The following RAP1GAP2 variants were observed in gnomAD, a reference collection of about 807,000 sequenced individuals.
RAP1GAP2 encodes the protein RAP1 GTPase activating protein 2.
A neutral mutation model predicts 95.0 loss-of-function variants in RAP1GAP2; 27 were observed. The ratio of observed to expected loss-of-function variants is 0.28; its 90% CI spans 0.21 to 0.39. RAP1GAP2 has a LOEUF of 0.39. Ranked by LOEUF, RAP1GAP2 falls within the 10% of genes least tolerant of loss-of-function variation. The probability of loss-of-function intolerance (pLI) is 1.00; values close to 1 mark genes in which losing one functional copy is unlikely to be tolerated. For missense variants in RAP1GAP2, 771 were observed against 970.0 expected (o/e 0.79, Z 2.72); for synonymous variants, 373 against 380.9 (o/e 0.98, Z 0.24).
intron 2 of RAP1GAP2, among the ~76,000 whole-genome samples, chr17:2,771,630 C>G (rs1446645891): frequency 1.3e-5 from 2 of 151,728 alleles, no homozygotes; most frequent in Non-Finnish European, 2.9e-5. Flanking sequence ...GCTGGGATTA[C>G]AGATGCCCGC....
At chr17:2,974,068 G>A (rs1287909221) in intron 8 of RAP1GAP2, among the ~76,000 whole-genome samples, 1 of 152,026 alleles carries the variant, frequency 6.6e-6, no homozygotes, top group Non-Finnish European at 1.5e-5. Context: ...GGGGCCGGGC[G>A]TGGTGTCTCA....
At chr17:2,958,892 C>A (rs189211651) in intron 4 of RAP1GAP2, among the ~76,000 whole-genome samples, 1 of 152,010 alleles carries the variant, frequency 6.6e-6, no homozygotes, top group African/African-American at 2.4e-5. Flanking sequence ...TTGTTACTGC[C>A]GTGTCACCGA....
chr17:2,808,506 G>C (rs1025721576), intron 2 of RAP1GAP2, among the ~76,000 whole-genome samples: 49 of 152,334 alleles, frequency 3.2e-4, no homozygotes, highest in African/African-American at 1.0e-3. Flanking sequence ...GCAGAGGAGA[G>C]AGCAGCATCC....
chr17:2,908,315 C>G (rs1287917477), intron 3 of RAP1GAP2, among the ~76,000 whole-genome samples: 4 of 152,104 alleles, frequency 2.6e-5, no homozygotes, highest in Non-Finnish European at 4.4e-5. Flanking sequence ...CAAGCAGACG[C>G]TTGGACATTC....
chr17:2,932,584 CAAAAAAAAAA>C (rs71153311), intron 3 of RAP1GAP2, among the ~76,000 whole-genome samples: 290 of 52,340 alleles, frequency 5.5e-3, no homozygotes, highest in African/African-American at 0.021. Context: ...GACTCCATCT[CAAAAAAAAAA>C]AAAAAAAAAA....
rs1437811582 is a variant in RAP1GAP2 at position 2,867,349 on chromosome 17, G to A, written c.81-37935G>A. On this transcript the variant is annotated intron_variant, in intron 2 of 24. Coordinates refer to ENST00000254695, the MANE Select transcript of RAP1GAP2 (RefSeq NM_015085.5). This position sits in a 1 kb window ranked among gnomAD's most constrained non-coding sequence, Gnocchi z 4.5. ...ACGGATTCAGGCCTGGCTGGATCGA[G>A]AGCTCCAGTGGGGTCTTTGGACACT... 6.6e-6 allele frequency among the ~76,000 whole-genome samples: 1 copy of A among 152,218 alleles called. No homozygotes were observed. Among genetic ancestry groups the A allele is most frequent in the Non-Finnish European group, 1.5e-5 (1 of 68,032 alleles).
At chr17:2,841,709 CTGGGGCT>C (rs2071380366) in intron 2 of RAP1GAP2, among the ~76,000 whole-genome samples, 1 of 152,164 alleles carries the variant, frequency 6.6e-6, no homozygotes, top group Non-Finnish European at 1.5e-5. Flanking sequence ...GGGAAAATGG[CTGGGGCT>C]CAGTGTCATC....
chr17:2,950,833 ACTC>A (rs2043898328), intron 3 of RAP1GAP2, among the ~76,000 whole-genome samples: 1 of 150,852 alleles, frequency 6.6e-6, no homozygotes, highest in Non-Finnish European at 1.5e-5. Context: ...CTGGTCTTGA[ACTC>A]CTGACCTCAA....
intron 3 of RAP1GAP2, among the ~76,000 whole-genome samples, chr17:2,914,483 G>T (rs370362485): frequency 6.6e-6 from 1 of 151,730 alleles, no homozygotes; most frequent in Non-Finnish European, 1.5e-5. Flanking sequence ...AGTCAAGTTC[G>T]TTTCTTTTCT....
upstream of RAP1GAP2, among the ~76,000 whole-genome samples, chr17:2,796,200 G>A (rs556811599): frequency 1.3e-5 from 2 of 152,282 alleles, no homozygotes; most frequent in East Asian, 3.9e-4. This position sits in a 1 kb window ranked among gnomAD's most constrained non-coding sequence, Gnocchi z 4.7. Flanking sequence ...GGAAGCTGGG[G>A]CTGTGTGGGC....
At chr17:2,848,662 C>T (rs749798288) in intron 2 of RAP1GAP2, among the ~76,000 whole-genome samples, 18 of 152,028 alleles carry the variant, frequency 1.2e-4, no homozygotes, top group Non-Finnish European at 7.4e-5. Flanking sequence ...TCCAAGCGCC[C>T]GCCACCACGC....
intron 19 of RAP1GAP2, 114 bp downstream of exon 19, chr17:3,020,709 G>C: frequency 1.1e-6 from 1 of 924,020 alleles, no homozygotes; most frequent in Non-Finnish European, 1.7e-6. Context: ...TCAGCTTTAG[G>C]AGATGGCTCT....
chr17:2,828,088 C>T (rs1271868944), intron 2 of RAP1GAP2, among the ~76,000 whole-genome samples: 1 of 152,186 alleles, frequency 6.6e-6, no homozygotes, highest in Non-Finnish European at 1.5e-5. Flanking sequence ...CGCCTGTCAT[C>T]CCAACACTTT....
chr17:2,908,434 G>A (rs187917863), intron 3 of RAP1GAP2, among the ~76,000 whole-genome samples: 3 of 152,278 alleles, frequency 2.0e-5, no homozygotes, highest in Non-Finnish European at 4.4e-5. Context: ...GTCATATGGC[G>A]AATGCATGGC....
chr17:2,868,171 A>G (rs1457110110), intron 2 of RAP1GAP2, among the ~76,000 whole-genome samples: 2 of 152,150 alleles, frequency 1.3e-5, no homozygotes, highest in African/African-American at 4.8e-5. Context: ...CCTTGAATAC[A>G]GATTGCCCCT....
intron 2 of RAP1GAP2, among the ~76,000 whole-genome samples, chr17:2,887,818 G>A (rs1431696849): frequency 6.6e-6 from 1 of 151,560 alleles, no homozygotes; most frequent in Admixed American, 6.6e-5. Context: ...GGGACTACAG[G>A]TGCATACCAC....
chr17:2,806,316 T>C (rs2151489372), intron 2 of RAP1GAP2, among the ~76,000 whole-genome samples: 1 of 152,230 alleles, frequency 6.6e-6, no homozygotes, highest in Middle Eastern at 3.4e-3. Flanking sequence ...GGAGACATTG[T>C]CCATGAGAGC....
intron 2 of RAP1GAP2, among the ~76,000 whole-genome samples, chr17:2,877,138 C>T (rs993809046): frequency 6.6e-6 from 1 of 152,086 alleles, no homozygotes; most frequent in African/African-American, 2.4e-5. Context: ...ATGCACCCGC[C>T]TCAGCCTCCC....
chr17:2,979,665 C>T (rs2045277653), intron 8 of RAP1GAP2, among the ~76,000 whole-genome samples: 1 of 151,808 alleles, frequency 6.6e-6, no homozygotes, highest in Non-Finnish European at 1.5e-5. Flanking sequence ...CGGGGTTTCA[C>T]CATATTGGCC....
Sources: allele counts gnomAD v4.1 joint callset (sites outside exome capture counted in the v4.1 genomes callset), GRCh38; gene constraint gnomAD v4.1.1; non-coding constraint Gnocchi (gnomAD v3.1); transcripts MANE v1.5; gene names NCBI Gene and HGNC (gene_info 2026-07-23, HGNC 2026-07-21).